Variants in RBMS1 observed in about 807,000 individuals in gnomAD.
RBMS1 encodes RNA binding motif single stranded interacting protein 1, also known as RNA-binding motif, single-stranded-interacting protein 1.
Under a neutral mutation model 62.3 loss-of-function variants are expected in RBMS1, and 17 were observed. The observed-to-expected ratio is 0.27, with a 90% confidence interval of 0.19 to 0.41. The LOEUF is 0.41. Ranked by LOEUF, RBMS1 falls within the 10% of genes least tolerant of loss-of-function variation. RBMS1 has a pLI of 1.00. For missense variants in RBMS1, 334 were observed against 504.5 expected, an observed-to-expected ratio of 0.66 and a Z score of 3.24; for synonymous variants, 172 against 170.0, an observed-to-expected ratio of 1.01 and a Z score of -0.09.
intron 2 of RBMS1, among the ~76,000 whole-genome samples, chr2:160,365,665 T>C (rs753312020): frequency 2.6e-5 from 4 of 152,192 alleles, no homozygotes; most frequent in African/African-American, 4.8e-5. Flanking sequence ...TGAAGAACAA[T>C]TTGTTTTTTG....
chr2:160,490,074 T>C (rs1408812612), intron 1 of RBMS1, among the ~76,000 whole-genome samples: 3 of 152,116 alleles, frequency 2.0e-5, no homozygotes, highest in Non-Finnish European at 4.4e-5. Flanking sequence ...TGAAAATGTG[T>C]ACATACAAAT....
At chr2:160,364,827 C>A (rs1192676131) in intron 2 of RBMS1, among the ~76,000 whole-genome samples, 1 of 152,182 alleles carries the variant, frequency 6.6e-6, no homozygotes, top group African/African-American at 2.4e-5. Context: ...AATATCCAAG[C>A]CCCCTGCAGA....
chr2:160,374,759 G>A (rs1261647056), intron 1 of RBMS1, among the ~76,000 whole-genome samples: 3 of 152,014 alleles, frequency 2.0e-5, no homozygotes, highest in Non-Finnish European at 4.4e-5. Context: ...GTGAAACCCT[G>A]TCTCTACTAA....
At chr2:160,460,618 T>C (rs76176206) in intron 1 of RBMS1, among the ~76,000 whole-genome samples, 172 of 152,352 alleles carry the variant, frequency 1.1e-3, no homozygotes, top group African/African-American at 4.0e-3. Context: ...ACACAGGCCA[T>C]TGGACAACCT....
chr2:160,387,571 C>G lies in RBMS1; in HGVS notation c.76-20180G>C, dbSNP rs143137770. On this transcript the variant is annotated intron_variant, in intron 1 of 13. Coordinates refer to ENST00000348849, the MANE Select transcript of RBMS1 (RefSeq NM_016836.4). ...GCACAAGCCCTGGAACATTTTCTGT[C>G]TGTGCTGCAAATGACAGTCTTTCCT... 2.5e-3 allele frequency among the ~76,000 whole-genome samples: 383 copies of G among 152,178 alleles called. 1 individual carries two copies. Among genetic ancestry groups the G allele is most frequent in the African/African-American group, 8.5e-3 (353 of 41,528 alleles).
chr2:160,351,332 A>G (rs1260873724), intron 2 of RBMS1, among the ~76,000 whole-genome samples: 1 of 151,930 alleles, frequency 6.6e-6, no homozygotes, highest in East Asian at 1.9e-4. Flanking sequence ...ATAATAAATA[A>G]TAAAAAAAAA....
intron 1 of RBMS1, among the ~76,000 whole-genome samples, chr2:160,421,008 G>A (rs563959955): frequency 6.1e-4 from 93 of 152,134 alleles, no homozygotes; most frequent in Non-Finnish European, 9.4e-4. Flanking sequence ...TACTTTCCCC[G>A]GATGGCACAA....
chr2:160,275,723 A>G lies in RBMS1; in HGVS notation c.1144-9T>C. 2 of 1,613,642 alleles carry G rather than the reference A, an allele frequency of 1.2e-6. No individual in the cohort carries two copies. The highest frequency in any genetic ancestry group is 1.7e-6 in the Non-Finnish European group (2 of 1,179,616). ...TGTTGACCACTTGCCTCCTACAACAAACAAAGCAGAATGGATGAGACATGT... is the reference window on the plus strand; with the variant it reads ...TGTTGACCACTTGCCTCCTACAACAGACAAAGCAGAATGGATGAGACATGT... On this transcript the variant is annotated splice_polypyrimidine_tract_variant and intron_variant, in intron 12 of 13. Coordinates refer to ENST00000348849, the MANE Select transcript of RBMS1 (RefSeq NM_016836.4).
intron 2 of RBMS1, among the ~76,000 whole-genome samples, chr2:160,355,704 G>A (rs1692758932): frequency 6.6e-6 from 1 of 151,994 alleles, no homozygotes. Flanking sequence ...TCAGTGCTGG[G>A]GTGGGGCTGC....
chr2:160,411,233 G>T (rs1291490692), intron 1 of RBMS1, among the ~76,000 whole-genome samples: 1 of 152,208 alleles, frequency 6.6e-6, no homozygotes, highest in Non-Finnish European at 1.5e-5. Context: ...CACCCTTGGG[G>T]ATTTGATTCT....
At chr2:160,384,175 C>T (rs530216750) in intron 1 of RBMS1, among the ~76,000 whole-genome samples, 50 of 152,024 alleles carry the variant, frequency 3.3e-4, no homozygotes, top group African/African-American at 1.1e-3. Flanking sequence ...CCAGCCTGGG[C>T]GAGGGAGCGA....
intron 2 of RBMS1, among the ~76,000 whole-genome samples, chr2:160,334,588 C>T (rs1351103562): frequency 6.6e-6 from 1 of 152,136 alleles, no homozygotes; most frequent in East Asian, 1.9e-4. Context: ...TCCACTGAAG[C>T]TCTTTGAGTA....
intron 1 of RBMS1, among the ~76,000 whole-genome samples, chr2:160,448,120 T>C (rs989413600): frequency 6.6e-6 from 1 of 152,264 alleles, no homozygotes; most frequent in Non-Finnish European, 1.5e-5. Flanking sequence ...AACAATTATC[T>C]TTATATCCTT....
chr2:160,368,616 A>G (rs1693545478), intron 1 of RBMS1, among the ~76,000 whole-genome samples: 1 of 152,098 alleles, frequency 6.6e-6, no homozygotes. Context: ...ATATCTCAAC[A>G]TATGGGGATC....
intron 1 of RBMS1, among the ~76,000 whole-genome samples, chr2:160,406,516 A>T (rs1285988418): frequency 6.6e-6 from 1 of 152,252 alleles, no homozygotes; most frequent in Non-Finnish European, 1.5e-5. Context: ...CAAGAGATTT[A>T]TTATGGAGGA....
At chr2:160,359,547 T>C (rs1261028587) in intron 2 of RBMS1, among the ~76,000 whole-genome samples, 1 of 152,132 alleles carries the variant, frequency 6.6e-6, no homozygotes, top group Non-Finnish European at 1.5e-5. Context: ...GTATTGAAAA[T>C]AAGGGCTCTC....
At chr2:160,342,446 C>T (rs562890417) in intron 2 of RBMS1, among the ~76,000 whole-genome samples, 3 of 152,124 alleles carry the variant, frequency 2.0e-5, no homozygotes, top group South Asian at 4.2e-4. Context: ...TCACTCCACC[C>T]GGAAGCAAGC....
At chr2:160,452,023 T>C (rs181072879) in intron 1 of RBMS1, among the ~76,000 whole-genome samples, 1 of 152,292 alleles carries the variant, frequency 6.6e-6, no homozygotes, top group East Asian at 1.9e-4. Flanking sequence ...AAATAAAACC[T>C]GAATAAAAGC....
chr2:160,275,941 C>A (rs1475317718), intron 12 of RBMS1, among the ~76,000 whole-genome samples: 4 of 152,196 alleles, frequency 2.6e-5, no homozygotes, highest in Non-Finnish European at 5.9e-5. Context: ...CTATTCTTAT[C>A]AAGCTACAGC....
Sources: gnomAD v4.1 joint callset for allele counts (sites outside exome capture counted in the v4.1 genomes callset) on GRCh38, gnomAD v4.1.1 for gene constraint, MANE v1.5 for transcripts, NCBI Gene and HGNC (gene_info 2026-07-23, HGNC 2026-07-21) for gene names.